RAB8B: variants seen among roughly 807,000 people sequenced by gnomAD.
RAB8B encodes ras-related protein Rab-8B.
In RAB8B, 11 loss-of-function variants were observed where a neutral mutation model predicts 32.0. The observed-to-expected ratio is 0.34, with a 90% CI of 0.22 to 0.57. The LOEUF (loss-of-function observed/expected upper bound fraction) is 0.57, where lower values mean the gene tolerates loss of function less well. Among genes scored for constraint, RAB8B ranks in the 20% least tolerant of loss-of-function variants. The pLI, the probability that RAB8B is intolerant of heterozygous loss-of-function variation, is 0.86. For missense variants in RAB8B, 190 were observed against 258.5 expected (o/e 0.73, Z 1.82); for synonymous variants, 103 against 89.6 (o/e 1.15, Z -0.85).
At chr15:63,214,288 T>TTC (rs1295211418) in intron 1 of RAB8B, among the ~76,000 whole-genome samples, 2 of 132,508 alleles carry the variant, frequency 1.5e-5, no homozygotes, top group Non-Finnish European at 3.2e-5. Context: ...GTTTCTTTCT[T>TTC]TTTTTTTTTT....
At chr15:63,197,065 G>C (rs999140230) in intron 1 of RAB8B, among the ~76,000 whole-genome samples, 8 of 152,182 alleles carry the variant, frequency 5.3e-5, no homozygotes, top group Middle Eastern at 3.2e-3. Context: ...GTTTGTGTCT[G>C]TGTTCTGCCC....
chr15:63,263,006 C>A (rs748421727), intron 7 of RAB8B, among the ~76,000 whole-genome samples: 1 of 152,020 alleles, frequency 6.6e-6, no homozygotes, highest in African/African-American at 2.4e-5. Context: ...GGCACAAATT[C>A]GATTTTTGCC....
At chr15:63,262,625 GTA>G (rs72363505) in intron 6 of RAB8B, 65 bp from the exon 7 acceptor site, 177,192 of 362,216 alleles carry the variant, frequency 0.49, 38,075 homozygotes, top group Non-Finnish European at 0.55. Flanking sequence ...ATATATATGT[GTA>G]TATATATATA....
At chr15:63,211,854 C>T (rs1173136149) in intron 1 of RAB8B, among the ~76,000 whole-genome samples, 1 of 151,934 alleles carries the variant, frequency 6.6e-6, no homozygotes, top group Non-Finnish European at 1.5e-5. Flanking sequence ...TTTTTAGAGA[C>T]AGGATTTCAC....
chr15:63,206,963 T>G (rs1234142247), intron 1 of RAB8B, among the ~76,000 whole-genome samples: 1 of 152,146 alleles, frequency 6.6e-6, no homozygotes, highest in African/African-American at 2.4e-5. Flanking sequence ...TTCACACTGT[T>G]TATTATCTGC....
intron 6 of RAB8B, among the ~76,000 whole-genome samples, chr15:63,261,769 G>C (rs1216144517): frequency 2.0e-5 from 3 of 152,180 alleles, no homozygotes; most frequent in Non-Finnish European, 4.4e-5. Context: ...AGTTTTTGGG[G>C]ATCAGGAGTG....
At chr15:63,251,030 T>G (rs2038113102) in intron 3 of RAB8B, among the ~76,000 whole-genome samples, 1 of 152,058 alleles carries the variant, frequency 6.6e-6, no homozygotes, top group Non-Finnish European at 1.5e-5. Context: ...TCTCCAGTGT[T>G]GGAGTAGCAT....
At chr15:63,206,398 A>G (rs2037698371) in intron 1 of RAB8B, among the ~76,000 whole-genome samples, 3 of 152,018 alleles carry the variant, frequency 2.0e-5, no homozygotes, top group African/African-American at 7.3e-5. Context: ...CACTGAAATC[A>G]TAGCAGAAGA....
intron 2 of RAB8B, among the ~76,000 whole-genome samples, chr15:63,245,266 C>G (rs763130622): frequency 6.6e-6 from 1 of 152,144 alleles, no homozygotes; most frequent in African/African-American, 2.4e-5. Context: ...ACCTTTTCCT[C>G]GTTTGTAAAT....
At chr15:63,249,430 T>C (rs1401289980) in intron 2 of RAB8B, among the ~76,000 whole-genome samples, 1 of 152,188 alleles carries the variant, frequency 6.6e-6, no homozygotes, top group Non-Finnish European at 1.5e-5. Flanking sequence ...GTCTGAGTTT[T>C]TCACCCAGGT....
intron 1 of RAB8B, among the ~76,000 whole-genome samples, chr15:63,239,108 C>T (rs1238813925): frequency 6.6e-6 from 1 of 152,124 alleles, no homozygotes; most frequent in East Asian, 1.9e-4. Flanking sequence ...CATCTCTGAA[C>T]CCCATTCACC....
intron 1 of RAB8B, among the ~76,000 whole-genome samples, chr15:63,236,944 C>T (rs2037985751): frequency 6.6e-6 from 1 of 152,170 alleles, no homozygotes; most frequent in Non-Finnish European, 1.5e-5. Context: ...TCTCTATCTC[C>T]ATGAATTCAA....
chr15:63,235,986 G>A (rs1307096932), intron 1 of RAB8B, among the ~76,000 whole-genome samples: 1 of 152,002 alleles, frequency 6.6e-6, no homozygotes, highest in Non-Finnish European at 1.5e-5. Context: ...TCTCCCTTTG[G>A]GAAGGTCTGA....
At chr15:63,232,483 A>C (rs1272397397) in intron 1 of RAB8B, among the ~76,000 whole-genome samples, 1 of 152,234 alleles carries the variant, frequency 6.6e-6, no homozygotes, top group Non-Finnish European at 1.5e-5. Context: ...TTATGGGTAC[A>C]GCTGTCATAT....
intron 3 of RAB8B, 136 bp downstream of exon 3, chr15:63,249,841 A>G: frequency 9.8e-7 from 1 of 1,023,694 alleles, no homozygotes; most frequent in Non-Finnish European, 1.4e-6. Flanking sequence ...AAGACATTTA[A>G]AAGGTTTTTT....
intron 1 of RAB8B, among the ~76,000 whole-genome samples, chr15:63,236,665 G>A (rs1252176649): frequency 1.3e-5 from 2 of 152,134 alleles, no homozygotes; most frequent in African/African-American, 4.8e-5. Flanking sequence ...GGTTACATGA[G>A]ATATTTTGAT....
chr15:63,243,086 G>A (rs992128849), intron 1 of RAB8B, among the ~76,000 whole-genome samples: 3 of 152,222 alleles, frequency 2.0e-5, no homozygotes, highest in Non-Finnish European at 4.4e-5. Context: ...GATTCTCATA[G>A]GAGTGCACAA....
chr15:63,198,515 G>A (rs144014349), intron 1 of RAB8B, among the ~76,000 whole-genome samples: 1 of 152,058 alleles, frequency 6.6e-6, no homozygotes, highest in South Asian at 2.1e-4. Context: ...AAAGCACTTT[G>A]CAAAAGCTCA....
intron 1 of RAB8B, among the ~76,000 whole-genome samples, chr15:63,216,446 C>T (rs1158726143): frequency 6.6e-6 from 1 of 151,706 alleles, no homozygotes. Context: ...CCAGGTTGGT[C>T]TTGAACTCGT....
Sources: gnomAD v4.1 joint callset for allele counts (sites outside exome capture counted in the v4.1 genomes callset) on GRCh38, gnomAD v4.1.1 for gene constraint, MANE v1.5 for transcripts, NCBI Gene and HGNC (gene_info 2026-07-23, HGNC 2026-07-21) for gene names.